Variants in FABP7 observed in about 807,000 individuals in gnomAD.
FABP7 encodes the protein fatty acid-binding protein, brain.
Under a neutral mutation model 14.2 loss-of-function variants are expected in FABP7, and 13 were observed. That is an observed-to-expected ratio of 0.91 (90% CI 0.59 to 1.45). The LOEUF (loss-of-function observed/expected upper bound fraction) is 1.45, where lower values mean the gene tolerates loss of function less well. Among genes scored for constraint, FABP7 ranks in the 40% most tolerant of loss-of-function variants. The pLI is 0.00. For missense variants in FABP7, 149 were observed against 157.6 expected, an observed-to-expected ratio of 0.95 and a Z score of 0.29; for synonymous variants, 49 against 51.4, an observed-to-expected ratio of 0.95 and a Z score of 0.20.
chr6:122,773,540 G>A, the FABP7 span, among the ~76,000 whole-genome samples: 1 of 152,102 alleles, frequency 6.6e-6, no homozygotes, highest in Admixed American at 6.6e-5. Flanking sequence ...AGAGACTGTG[G>A]GCCAATGGTG....
chr6:122,750,615 G>A, the FABP7 span, among the ~76,000 whole-genome samples: 6 of 152,168 alleles, frequency 3.9e-5, no homozygotes, highest in Admixed American at 6.5e-5. Context: ...ATTTGGCAAG[G>A]TAGGGAGATA....
At chr6:122,760,589 T>C in the FABP7 span, among the ~76,000 whole-genome samples, 1 of 152,078 alleles carries the variant, frequency 6.6e-6, no homozygotes, top group Non-Finnish European at 1.5e-5. Context: ...GAATTTTCTT[T>C]AGCATAGTAA....
At chr6:122,770,472 T>C in the FABP7 span, among the ~76,000 whole-genome samples, 1 of 152,128 alleles carries the variant, frequency 6.6e-6, no homozygotes, top group African/African-American at 2.4e-5. Context: ...ATCAGTGGTC[T>C]TGTAGTCCTA....
chr6:122,757,458 C>G, the FABP7 span, among the ~76,000 whole-genome samples: 1 of 151,892 alleles, frequency 6.6e-6, no homozygotes, highest in Admixed American at 6.6e-5. Flanking sequence ...AGGCCCCTGT[C>G]CCTGTCATGT....
At chr6:122,767,552 A>G in the FABP7 span, among the ~76,000 whole-genome samples, 1 of 152,008 alleles carries the variant, frequency 6.6e-6, no homozygotes, top group Non-Finnish European at 1.5e-5. Flanking sequence ...TGAATTTAAA[A>G]CCCTACTTCT....
At chr6:122,755,605 C>T in the FABP7 span, among the ~76,000 whole-genome samples, 336 of 151,828 alleles carry the variant, frequency 2.2e-3, 2 homozygotes, top group African/African-American at 7.8e-3. Context: ...AGGCGCCTGC[C>T]ACCACGCCCG....
chr6:122,757,822 C>T, the FABP7 span, among the ~76,000 whole-genome samples: 93 of 151,890 alleles, frequency 6.1e-4, no homozygotes, highest in African/African-American at 2.2e-3. Context: ...GTTAAGGTGC[C>T]GGAATAAAAT....
the FABP7 span, among the ~76,000 whole-genome samples, chr6:122,751,943 G>A: frequency 6.6e-6 from 1 of 151,950 alleles, no homozygotes; most frequent in African/African-American, 2.4e-5. Context: ...TATAAAACCT[G>A]AGCTGGAGGA....
the FABP7 span, among the ~76,000 whole-genome samples, chr6:122,755,895 C>A: frequency 7.9e-5 from 12 of 152,072 alleles, no homozygotes; most frequent in African/African-American, 2.9e-4. Context: ...GTTAGGGGAC[C>A]AGGCCACTTA....
At chr6:122,782,827 T>C in intron 3 of FABP7, 1 of 985,330 alleles carries the variant, frequency 1.0e-6, no homozygotes, top group Non-Finnish European at 1.2e-6. Flanking sequence ...CAGTTTTCCT[T>C]TCATGTTAAA....
rs1401639434 is a variant in FABP7 at position 122,783,756 on chromosome 6, G to A, written c.388G>A (p.Glu130Lys). 2.5e-6 allele frequency: 4 copies of A among 1,608,580 alleles called. No homozygotes were observed. Among genetic ancestry groups the A allele is most frequent in the Non-Finnish European group, 3.4e-6 (4 of 1,178,316 alleles). The change falls in exon 4 of 4, where the codon GAG becomes AAG. Residue 130 changes from glutamate to lysine, a missense_variant. Transcript: ENST00000368444. ...TGATGTGGTTGCTGTTCGCCACTAT[G>A]AGAAGGCATAAAAATGTTCCTGGTC... ...FGDVVAVRHY[E>K]KA
chr6:122,761,153 A>G, the FABP7 span, among the ~76,000 whole-genome samples: 27 of 152,322 alleles, frequency 1.8e-4, no homozygotes, highest in South Asian at 5.6e-3. Context: ...GAGAGCATCT[A>G]GATAACTGCT....
the FABP7 span, among the ~76,000 whole-genome samples, chr6:122,772,338 G>A: frequency 1.3e-5 from 2 of 151,988 alleles, no homozygotes; most frequent in African/African-American, 4.8e-5. Flanking sequence ...AATAATGGGA[G>A]GTAAAAGGAG....
chr6:122,766,739 A>G, the FABP7 span, among the ~76,000 whole-genome samples: 1 of 152,132 alleles, frequency 6.6e-6, no homozygotes, highest in South Asian at 2.1e-4. Context: ...GAATGAGACA[A>G]CAATACACAG....
the FABP7 span, among the ~76,000 whole-genome samples, chr6:122,764,702 A>G: frequency 5.3e-5 from 8 of 152,176 alleles, no homozygotes; most frequent in Admixed American, 3.3e-4. Flanking sequence ...AACTGAATAC[A>G]TCTTCCCTGC....
At chr6:122,777,877 AT>A (rs911745410), upstream of FABP7, among the ~76,000 whole-genome samples, 5 of 41,648 alleles carry the variant, frequency 1.2e-4, no homozygotes, top group Admixed American at 3.5e-4. Context: ...AATAAATATA[AT>A]TTTTTTATGT....
At chr6:122,755,659 G>T in the FABP7 span, among the ~76,000 whole-genome samples, 1 of 151,474 alleles carries the variant, frequency 6.6e-6, no homozygotes, top group African/African-American at 2.4e-5. Context: ...GAGTTTCACC[G>T]TGTTATCCAG....
the FABP7 span, among the ~76,000 whole-genome samples, chr6:122,771,611 T>A: frequency 1.3e-5 from 2 of 152,196 alleles, no homozygotes; most frequent in African/African-American, 4.8e-5. Flanking sequence ...ACTCTCCTAC[T>A]CTTGCATTAT....
chr6:122,761,911 C>A, the FABP7 span, among the ~76,000 whole-genome samples: 4 of 152,000 alleles, frequency 2.6e-5, no homozygotes, highest in African/African-American at 9.7e-5. Flanking sequence ...GCCTACCAAC[C>A]AAAAATGGTC....
Sources: allele counts gnomAD v4.1 joint callset (sites outside exome capture counted in the v4.1 genomes callset), GRCh38; gene constraint gnomAD v4.1.1; transcripts MANE v1.5; gene names NCBI Gene and HGNC (gene_info 2026-07-23, HGNC 2026-07-21).